Variants in GABRG1 observed in about 807,000 individuals in gnomAD.
GABRG1 encodes the protein gamma-aminobutyric acid type A receptor subunit gamma1.
GABRG1 carries 49 observed loss-of-function variants against 49.8 expected under a neutral mutation model. The observed-to-expected ratio is 0.98, with a 90% CI of 0.78 to 1.25. The LOEUF (loss-of-function observed/expected upper bound fraction) is 1.25. Ranked by LOEUF, GABRG1 falls within the 50% of genes most tolerant of loss-of-function variation. GABRG1 has a pLI of 0.00. For missense variants in GABRG1, 552 were observed against 552.3 expected (o/e 1.00, Z 0.01); for synonymous variants, 232 against 185.1 (o/e 1.25, Z -2.06).
chr4:46,044,856 G>A (rs1186115957), intron 8 of GABRG1, among the ~76,000 whole-genome samples: 1 of 152,096 alleles, frequency 6.6e-6, no homozygotes, highest in African/African-American at 2.4e-5. Context: ...TCTAAAAAAT[G>A]AGAAGAAACT....
At chr4:46,070,448 T>G (rs1265582096) in intron 3 of GABRG1, among the ~76,000 whole-genome samples, 1 of 151,918 alleles carries the variant, frequency 6.6e-6, no homozygotes, top group Non-Finnish European at 1.5e-5. Context: ...GAACTCCCAG[T>G]TCTTAAGAAG....
At chr4:46,106,224 G>A (rs1720542734) in intron 1 of GABRG1, among the ~76,000 whole-genome samples, 1 of 151,400 alleles carries the variant, frequency 6.6e-6, no homozygotes, top group Admixed American at 6.6e-5. Flanking sequence ...TGCAGCAATA[G>A]CTAATTTGTA....
intron 8 of GABRG1, among the ~76,000 whole-genome samples, chr4:46,042,932 T>G (rs1717838717): frequency 6.6e-6 from 1 of 151,950 alleles, no homozygotes; most frequent in Non-Finnish European, 1.5e-5. Context: ...TAAATGTTAA[T>G]GACAGATCTT....
intron 2 of GABRG1, among the ~76,000 whole-genome samples, chr4:46,089,127 T>C (rs535420527): frequency 6.6e-6 from 1 of 151,766 alleles, no homozygotes; most frequent in East Asian, 2.0e-4. Context: ...CTCAAGAGAG[T>C]TGTGCATCAG....
intron 2 of GABRG1, among the ~76,000 whole-genome samples, chr4:46,092,468 GATAAA>G (rs1461405322): frequency 6.6e-6 from 1 of 151,462 alleles, no homozygotes; most frequent in African/African-American, 2.4e-5. Context: ...ATGATAGAAG[GATAAA>G]ATAAAACTGC....
At chr4:46,113,061 A>G (rs1323733283) in intron 1 of GABRG1, among the ~76,000 whole-genome samples, 1 of 151,170 alleles carries the variant, frequency 6.6e-6, no homozygotes, top group Non-Finnish European at 1.5e-5. Flanking sequence ...CACTTATAGT[A>G]TTTGTTCAAA....
intron 5 of GABRG1, among the ~76,000 whole-genome samples, chr4:46,059,762 T>C (rs536975608): frequency 3.8e-4 from 58 of 152,224 alleles, no homozygotes; most frequent in South Asian, 1.0e-3. Flanking sequence ...CATGAATGCA[T>C]ATTCTCATTA....
At chr4:46,114,572 T>A (rs1720827172) in intron 1 of GABRG1, among the ~76,000 whole-genome samples, 1 of 150,976 alleles carries the variant, frequency 6.6e-6, no homozygotes, top group South Asian at 2.1e-4. Flanking sequence ...GCCAAAGGTA[T>A]GTAATGTGAT....
intron 5 of GABRG1, among the ~76,000 whole-genome samples, chr4:46,059,643 C>T (rs1354030126): frequency 3.9e-5 from 6 of 151,984 alleles, no homozygotes; most frequent in African/African-American, 1.5e-4. Flanking sequence ...GAACCCCTGA[C>T]CTCAGGTGAT....
At position 46,085,755 on chromosome 4, in the gene GABRG1, C is replaced by T. The variant is rs189509236; in HGVS notation, c.254-1702G>A. ...GCTTTGATTCATACTATGAACAATACTAATGAGTAATATTACTTAAAATAC... is the reference window on the plus strand; with the variant it reads ...GCTTTGATTCATACTATGAACAATATTAATGAGTAATATTACTTAAAATAC... On this transcript the variant is annotated intron_variant, in intron 2 of 8. Transcript: ENST00000295452. Among the ~76,000 whole-genome samples the T allele has an allele frequency of 2.3e-3, 355 of 151,640 alleles. 1 individual carries two copies. Among genetic ancestry groups the T allele is most frequent in the Middle Eastern group, 0.014 (4 of 294 alleles).
At chr4:46,075,192 C>T (rs1359061803) in intron 3 of GABRG1, among the ~76,000 whole-genome samples, 1 of 151,928 alleles carries the variant, frequency 6.6e-6, no homozygotes, top group African/African-American at 2.4e-5. Flanking sequence ...CCATTGTTTA[C>T]TTTCCTTTAA....
chr4:46,041,363 C>A, intron 8 of GABRG1, 109 bp from the exon 9 acceptor site: 1 of 936,598 alleles, frequency 1.1e-6, no homozygotes, highest in Non-Finnish European at 1.5e-6. Flanking sequence ...TGAAAATAAT[C>A]TTGATTTCAA....
At chr4:46,082,435 C>T (rs1055655490) in intron 3 of GABRG1, among the ~76,000 whole-genome samples, 2 of 151,790 alleles carry the variant, frequency 1.3e-5, no homozygotes, top group Non-Finnish European at 2.9e-5. Context: ...TTCCCACTCA[C>T]TCCCTAGCAC....
intron 1 of GABRG1, among the ~76,000 whole-genome samples, chr4:46,110,578 G>GAACATAGGCAAAT (rs1720682587): frequency 1.3e-5 from 2 of 151,022 alleles, no homozygotes; most frequent in African/African-American, 4.8e-5. Context: ...AAATATCCTT[G>GAACATAGGCAAAT]ATGAACATAG....
At chr4:46,069,075 C>G (rs953809076) in intron 3 of GABRG1, among the ~76,000 whole-genome samples, 1 of 152,024 alleles carries the variant, frequency 6.6e-6, no homozygotes. Flanking sequence ...AGTCTCATTA[C>G]TACATTGTCA....
chr4:46,088,815 T>TGTGTGTG (rs35197192), intron 2 of GABRG1, among the ~76,000 whole-genome samples: 7,107 of 131,434 alleles, frequency 0.054, 244 homozygotes, highest in African/African-American at 0.061. Context: ...TTGTGTGTGT[T>TGTGTGTG]TGTGTGTGTG....
At chr4:46,064,679 CAAT>C (rs745308300) in intron 4 of GABRG1, among the ~76,000 whole-genome samples, 156 bp from the exon 5 acceptor site, 2 of 151,920 alleles carry the variant, frequency 1.3e-5, no homozygotes, top group Non-Finnish European at 2.9e-5. Context: ...TCTTAAATAG[CAAT>C]AATATTATAA....
intron 3 of GABRG1, among the ~76,000 whole-genome samples, chr4:46,081,600 G>A (rs1719571154): frequency 6.6e-6 from 1 of 151,780 alleles, no homozygotes; most frequent in Non-Finnish European, 1.5e-5. Context: ...CTGTAATAAA[G>A]GGATGATTTG....
chr4:46,106,488 G>A (rs1334219515), intron 1 of GABRG1, among the ~76,000 whole-genome samples: 1 of 151,432 alleles, frequency 6.6e-6, no homozygotes, highest in African/African-American at 2.4e-5. Flanking sequence ...TTTTGCCATT[G>A]TTTTATTTTG....
Sources: allele counts gnomAD v4.1 joint callset (sites outside exome capture counted in the v4.1 genomes callset), GRCh38; gene constraint gnomAD v4.1.1; transcripts MANE v1.5; gene names NCBI Gene and HGNC (gene_info 2026-07-23, HGNC 2026-07-21).